The following TMEM225B variants were observed in gnomAD, a reference collection of about 807,000 sequenced individuals.
TMEM225B encodes the protein transmembrane protein 225B, also known as transmembrane protein 225-like.
In TMEM225B, 10 loss-of-function variants were observed where a neutral mutation model predicts 16.9. The observed-to-expected ratio is 0.59, with a 90% CI of 0.36 to 1.00. TMEM225B has a LOEUF of 1.00. Among genes scored for constraint, TMEM225B ranks in the 50% least tolerant of loss-of-function variants. The probability of loss-of-function intolerance (pLI) is 0.01; values close to 1 mark genes in which losing one functional copy is unlikely to be tolerated. For synonymous variants in TMEM225B, 92 were observed against 109.8 expected (o/e 0.84, Z 1.01); for missense variants, 217 against 267.0 (o/e 0.81, Z 1.30).
At chr7:99,600,659 C>T (rs1380301033) in intron 2 of TMEM225B, among the ~76,000 whole-genome samples, 1 of 152,146 alleles carries the variant, frequency 6.6e-6, no homozygotes, top group African/African-American at 2.4e-5. Flanking sequence ...TTATTCACTA[C>T]CACGAGAACC....
chr7:99,604,083 G>T (rs1296027682), intron 2 of TMEM225B, among the ~76,000 whole-genome samples: 1 of 152,160 alleles, frequency 6.6e-6, no homozygotes, highest in Non-Finnish European at 1.5e-5. Context: ...AGCTGAGGAG[G>T]CCTTGTGAAT....
chr7:99,606,001 C>T (rs1363288090), intron 3 of TMEM225B, among the ~76,000 whole-genome samples: 1 of 152,194 alleles, frequency 6.6e-6, no homozygotes, highest in Non-Finnish European at 1.5e-5. Context: ...TCAGGGTAAC[C>T]AATACAGGTG....
intron 5 of TMEM225B, among the ~76,000 whole-genome samples, chr7:99,608,529 A>G (rs953775531): frequency 6.9e-6 from 1 of 145,510 alleles, no homozygotes; most frequent in African/African-American, 2.5e-5. Context: ...TCCTTAGGCT[A>G]TCTATTTCTG....
rs78563646 is a variant in TMEM225B, at chr7:99,606,021, A to T, written c.209-727A>T. Among the ~76,000 whole-genome samples the T allele has an allele frequency of 3.9e-4, 60 of 152,352 alleles. 1 individual carries two copies. In the East Asian group the frequency reaches 0.011, roughly 28 times the overall value. On this transcript the variant is annotated intron_variant, in intron 3 of 5. Coordinates refer to ENST00000431679, the MANE Select transcript of TMEM225B (RefSeq NM_001195541.3). ...GTAACCAATACAGGTGTGATTCTTC[A>T]CATTTGCATGTGCAACAAATTTTAT...
At chr7:99,609,388 A>T (rs1277190836) in intron 5 of TMEM225B, among the ~76,000 whole-genome samples, 1 of 152,114 alleles carries the variant, frequency 6.6e-6, no homozygotes, top group Non-Finnish European at 1.5e-5. Context: ...CTTTTATCTT[A>T]GTCTTCATCT....
rs1805862173 is a variant in TMEM225B at position 99,606,882 on chromosome 7, A to C, written c.343A>C (p.Ser115Arg). 1 of 1,536,154 alleles carries C rather than the reference A, an allele frequency of 6.5e-7. No homozygotes were observed. The highest frequency in any genetic ancestry group is 1.4e-5 in the African/African-American group (1 of 73,170). Residue 115 changes from serine (S) to arginine (R), a missense_variant, in exon 4 of 6, where the codon AGC becomes CGC. Coordinates refer to ENST00000431679, the MANE Select transcript of TMEM225B (RefSeq NM_001195541.3). The stretch of plus-strand genomic sequence containing the variant: ...GCAAAACTTTGTGTTAGCCTGCATC[A>C]GCTTCTTCACAGGTGTGGAACAGCT... ...WKQNFVLACI[S>R]FFTGACAFLA... is the part of the protein sequence containing the mutation.
chr7:99,607,898 T>G, intron 5 of TMEM225B, 88 bp downstream of exon 5: 2 of 1,404,384 alleles, frequency 1.4e-6, no homozygotes, highest in Non-Finnish European at 1.9e-6. Context: ...TTGGATTCTC[T>G]AGAATTGCAC....
chr7:99,606,248 T>C (rs1450278226), intron 3 of TMEM225B, among the ~76,000 whole-genome samples: 1 of 152,178 alleles, frequency 6.6e-6, no homozygotes, highest in Non-Finnish European at 1.5e-5. Flanking sequence ...TGAGCTATGA[T>C]GGTGCCACTG....
intron 1 of TMEM225B, among the ~76,000 whole-genome samples, chr7:99,599,125 A>ATTTTTTTT (rs769617190): frequency 5.5e-3 from 634 of 115,416 alleles, no homozygotes; most frequent in African/African-American, 9.9e-3. Flanking sequence ...CGCCTGGCTA[A>ATTTTTTTT]TTTTTTTTTT....
In TMEM225B at chr7:99,599,197, G is replaced by C. The variant is rs528321959; in HGVS notation, c.-85+816G>C. Among the ~76,000 whole-genome samples the C allele has an allele frequency of 6.2e-4, 90 of 144,376 alleles. 1 individual carries two copies. The highest frequency in any genetic ancestry group is 1.1e-3 in the South Asian group (5 of 4,628). 94.7% of individuals were successfully genotyped at this position (144,376 alleles called of 152,430 possible). Reference sequence around the variant, plus strand: ...TCACCGTGTTAGCTAGGATGGTCTCGATCTCCTGATCTCGTGATCCACCTG... The same window carrying C: ...TCACCGTGTTAGCTAGGATGGTCTCCATCTCCTGATCTCGTGATCCACCTG... On this transcript the variant is annotated intron_variant, in intron 1 of 5. Transcript: ENST00000431679.
intron 3 of TMEM225B, 30 bp downstream of exon 3, chr7:99,604,626 A>G: frequency 6.7e-7 from 1 of 1,502,096 alleles, no homozygotes; most frequent in East Asian, 2.5e-5. Context: ...GGGAGGAGAG[A>G]GAGGGAGATG....
intron 4 of TMEM225B, 24 bp from the exon 5 acceptor site, chr7:99,607,649 G>C (rs897090869): frequency 6.5e-7 from 1 of 1,529,922 alleles, no homozygotes. Context: ...AGGAGACCGA[G>C]GGTGTCTCCC....
At chr7:99,606,659 C>T (rs777088411) in intron 3 of TMEM225B, 89 bp from the exon 4 acceptor site, 20 of 1,304,390 alleles carry the variant, frequency 1.5e-5, no homozygotes, top group African/African-American at 4.4e-5. Context: ...GTGGAGGCTC[C>T]GGGGGCCAGC....
At chr7:99,599,125 A>ATT (rs769617190) in intron 1 of TMEM225B, among the ~76,000 whole-genome samples, 5,698 of 115,506 alleles carry the variant, frequency 0.049, 201 homozygotes, top group African/African-American at 0.11. Flanking sequence ...CGCCTGGCTA[A>ATT]TTTTTTTTTT....
intron 1 of TMEM225B, 30 bp from the exon 2 acceptor site, chr7:99,600,175 C>T: frequency 1.4e-6 from 1 of 702,818 alleles, no homozygotes; most frequent in Non-Finnish European, 2.6e-6. Flanking sequence ...CACTGCATCA[C>T]ATGATGTGTT....
chr7:99,601,201 C>T (rs1805330328), intron 2 of TMEM225B, among the ~76,000 whole-genome samples: 1 of 152,104 alleles, frequency 6.6e-6, no homozygotes, highest in Non-Finnish European at 1.5e-5. Context: ...TCTGGTCCAA[C>T]AGACTTCATC....
chr7:99,606,915 C>T lies in TMEM225B; in HGVS notation c.355+21C>T, dbSNP rs1439495798. ...CACAGGTGTGGAACAGCTAGGTGAT[C>T]CCTGACCTTCGCTAGGGCCTGGGGA... is the stretch of plus-strand genomic sequence containing the variant. On this transcript the variant is annotated intron_variant, in intron 4 of 5. Transcript: ENST00000431679. 2.6e-6 allele frequency: 4 copies of T among 1,535,698 alleles called. No individual in the cohort carries two copies. In the East Asian group the frequency reaches 7.3e-5, roughly 28 times the overall value.
At chr7:99,608,715 AAAT>A (rs1201180771) in intron 5 of TMEM225B, among the ~76,000 whole-genome samples, 4 of 112,162 alleles carry the variant, frequency 3.6e-5, no homozygotes, top group African/African-American at 2.1e-4. Context: ...AGTTAAAAAA[AAAT>A]ATATATATAT....
intron 3 of TMEM225B, 56 bp downstream of exon 3, chr7:99,604,652 C>A: frequency 7.3e-7 from 1 of 1,376,164 alleles, no homozygotes; most frequent in Non-Finnish European, 1.0e-6. Flanking sequence ...AGTGTTGGGA[C>A]AGAGGTGGGG....
Sources: allele counts gnomAD v4.1 joint callset (sites outside exome capture counted in the v4.1 genomes callset), GRCh38; gene constraint gnomAD v4.1.1; transcripts MANE v1.5; gene names NCBI Gene and HGNC (gene_info 2026-07-23, HGNC 2026-07-21).